The following AKAP6 variants were observed in gnomAD, a reference collection of about 807,000 sequenced individuals.
AKAP6 encodes A-kinase anchor protein 6.
A neutral mutation model predicts 188.5 loss-of-function variants in AKAP6; 58 were observed. The observed-to-expected ratio is 0.31, with a 90% CI of 0.25 to 0.38. The LOEUF (loss-of-function observed/expected upper bound fraction) is 0.38. Ranked by LOEUF, AKAP6 falls within the 10% of genes least tolerant of loss-of-function variation. The pLI, the probability that AKAP6 is intolerant of heterozygous loss-of-function variation, is 1.00. For missense variants in AKAP6, 2,710 were observed against 2,740.0 expected (o/e 0.99, Z 0.24); for synonymous variants, 989 against 998.6 (o/e 0.99, Z 0.18).
chr14:32,369,095 C>T (rs184513578), intron 1 of AKAP6, among the ~76,000 whole-genome samples: 1 of 152,204 alleles, frequency 6.6e-6, no homozygotes, highest in Non-Finnish European at 1.5e-5. Context: ...GAAAGATGGG[C>T]ACTCTTCAAA....
rs535239460 is a variant in AKAP6 at position 32,554,534 on chromosome 14, G to A, written c.2346+7535G>A. On this transcript the variant is annotated intron_variant, in intron 4 of 13. Transcript: ENST00000280979. Reference sequence around the variant, plus strand: ...CTGGTATTCCAGCTGGGATGCCAGAGCTAACTTGGTTTTCTCCATGAGATA... The same window carrying A: ...CTGGTATTCCAGCTGGGATGCCAGAACTAACTTGGTTTTCTCCATGAGATA... Among the ~76,000 whole-genome samples the A allele has an allele frequency of 3.6e-4, 55 of 152,276 alleles. 1 individual carries two copies. Among genetic ancestry groups the A allele is most frequent in the African/African-American group, 1.3e-3 (54 of 41,548 alleles).
rs10658220 is a variant in AKAP6 at position 32,690,076 on chromosome 14, T to TACACACACACAC, written c.2880-5881_2880-5870dup. ...AGATGTATTCTTAAGTGCCCCAAAA[T>TACACACACACAC]ACACACACACACACACACACACACA... On this transcript the variant is annotated intron_variant, in intron 8 of 13. Transcript: ENST00000280979. 7.0e-4 allele frequency among the ~76,000 whole-genome samples: 95 copies of TACACACACACAC among 136,018 alleles called. 1 individual carries two copies. The highest frequency in any genetic ancestry group is 1.3e-3 in the African/African-American group (48 of 36,864). The allele number at this position is 136,018 out of a possible 152,430, so 89.2% of individuals were successfully genotyped here.
chr14:32,460,842 C>T (rs1253063572), intron 2 of AKAP6, among the ~76,000 whole-genome samples: 1 of 152,218 alleles, frequency 6.6e-6, no homozygotes, highest in Admixed American at 6.5e-5. Flanking sequence ...GCTGCCAGCA[C>T]AGCAGTCTGA....
chr14:32,593,159 A>G (rs566683429), intron 5 of AKAP6, among the ~76,000 whole-genome samples: 2 of 152,296 alleles, frequency 1.3e-5, no homozygotes, highest in Admixed American at 1.3e-4. Flanking sequence ...GACATGCAAC[A>G]AATAAGAAAT....
At chr14:32,521,526 A>G (rs149393778) in intron 2 of AKAP6, among the ~76,000 whole-genome samples, 4,176 of 152,306 alleles carry the variant, frequency 0.027, 78 homozygotes, top group Non-Finnish European at 0.043. Flanking sequence ...AATCACAAGC[A>G]TTCCTATACA....
At chr14:32,813,454 A>C (rs1184644161) in intron 12 of AKAP6, among the ~76,000 whole-genome samples, 1 of 126,774 alleles carries the variant, frequency 7.9e-6, no homozygotes, top group African/African-American at 3.1e-5. Context: ...CCCTCTAATC[A>C]CTTGGTCTTT....
At chr14:32,447,455 A>G (rs1212866888) in intron 2 of AKAP6, among the ~76,000 whole-genome samples, 1 of 152,220 alleles carries the variant, frequency 6.6e-6, no homozygotes, top group Non-Finnish European at 1.5e-5. Flanking sequence ...ATTCACAAGT[A>G]TTTAAAAATT....
At chr14:32,715,960 T>C (rs1422194792) in intron 9 of AKAP6, among the ~76,000 whole-genome samples, 3 of 151,848 alleles carry the variant, frequency 2.0e-5, no homozygotes, top group African/African-American at 7.3e-5. Context: ...GTCTTTACTA[T>C]GTAACAGAAA....
intron 11 of AKAP6, among the ~76,000 whole-genome samples, chr14:32,768,496 A>G (rs2032786751): frequency 6.6e-6 from 1 of 152,224 alleles, no homozygotes; most frequent in African/African-American, 2.4e-5. Flanking sequence ...CATCAAGAAA[A>G]TACTAGTAAC....
At chr14:32,591,471 C>CA (rs71432067) in intron 5 of AKAP6, among the ~76,000 whole-genome samples, 30,429 of 128,428 alleles carry the variant, frequency 0.24, 3,689 homozygotes, top group African/African-American at 0.35. Context: ...TACTTTGCAC[C>CA]AAAAAAAAAA....
chr14:32,460,888 G>A (rs1253874227), intron 2 of AKAP6, among the ~76,000 whole-genome samples: 1 of 152,204 alleles, frequency 6.6e-6, no homozygotes, highest in East Asian at 1.9e-4. Flanking sequence ...GTGTGGGGAG[G>A]GGCATCCACC....
At chr14:32,437,837 C>T (rs759555733) in intron 2 of AKAP6, among the ~76,000 whole-genome samples, 1 of 152,064 alleles carries the variant, frequency 6.6e-6, no homozygotes, top group African/African-American at 2.4e-5. Flanking sequence ...TGGGCTCAAG[C>T]GATCTTCTAG....
chr14:32,622,087 T>C (rs1886836759), intron 7 of AKAP6, among the ~76,000 whole-genome samples: 1 of 152,152 alleles, frequency 6.6e-6, no homozygotes, highest in Non-Finnish European at 1.5e-5. Context: ...ATTTCATTAA[T>C]TTTAATAAAA....
chr14:32,651,873 G>C (rs916098781), intron 7 of AKAP6, among the ~76,000 whole-genome samples: 1 of 152,038 alleles, frequency 6.6e-6, no homozygotes, highest in Non-Finnish European at 1.5e-5. Flanking sequence ...ATAAATCATT[G>C]CAATTTCCTT....
At chr14:32,470,444 C>A (rs1468543843) in intron 2 of AKAP6, among the ~76,000 whole-genome samples, 1 of 152,032 alleles carries the variant, frequency 6.6e-6, no homozygotes, top group African/African-American at 2.4e-5. Flanking sequence ...AGATGATATT[C>A]TCTGACTCAT....
chr14:32,806,999 A>G (rs1483529935), intron 12 of AKAP6, among the ~76,000 whole-genome samples: 2 of 152,032 alleles, frequency 1.3e-5, no homozygotes, highest in Non-Finnish European at 2.9e-5. Context: ...GGTTGCCGTG[A>G]GCCATGATGG....
At chr14:32,521,786 C>A (rs558699232) in intron 2 of AKAP6, among the ~76,000 whole-genome samples, 1 of 152,234 alleles carries the variant, frequency 6.6e-6, no homozygotes, top group East Asian at 1.9e-4. Context: ...AGATTCAATG[C>A]CATCCCCATC....
chr14:32,351,384 G>A (rs892768583), intron 1 of AKAP6, among the ~76,000 whole-genome samples: 1 of 152,022 alleles, frequency 6.6e-6, no homozygotes, highest in Non-Finnish European at 1.5e-5. Flanking sequence ...CCAACATGGC[G>A]AAAGCCCATC....
chr14:32,810,243 C>A (rs1288962275), intron 12 of AKAP6, among the ~76,000 whole-genome samples: 2 of 131,052 alleles, frequency 1.5e-5, no homozygotes, highest in African/African-American at 2.9e-5. Context: ...GACCCCAACC[C>A]CCTAATGCTC....
Sources: allele counts gnomAD v4.1 joint callset (sites outside exome capture counted in the v4.1 genomes callset), GRCh38; gene constraint gnomAD v4.1.1; transcripts MANE v1.5; gene names NCBI Gene and HGNC (gene_info 2026-07-23, HGNC 2026-07-21).